The following IAPP variants were observed in gnomAD, a reference collection of about 807,000 sequenced individuals.
IAPP encodes the protein islet amyloid polypeptide.
Under a neutral mutation model 2.9 loss-of-function variants are expected in IAPP, and 4 were observed. That is an observed-to-expected ratio of 1.39 (90% CI 0.69 to 3.19). The LOEUF (loss-of-function observed/expected upper bound fraction) is 3.19, where lower values mean the gene tolerates loss of function less well. Ranked by LOEUF, IAPP falls within the 30% of genes most tolerant of loss-of-function variation. The pLI, the probability that IAPP is intolerant of heterozygous loss-of-function variation, is 0.01. For synonymous variants in IAPP, 40 were observed against 42.1 expected (o/e 0.95, Z 0.19); for missense variants, 114 against 105.3 (o/e 1.08, Z -0.36).
At chr12:21,376,877 A>G (rs1017247701) in intron 2 of IAPP, among the ~76,000 whole-genome samples, 2 of 152,078 alleles carry the variant, frequency 1.3e-5, no homozygotes, top group Non-Finnish European at 2.9e-5. Flanking sequence ...AAGTTTCACC[A>G]ATATTTTGAT....
In IAPP at chr12:21,374,947, G is replaced by A. The variant is rs1462809289; in HGVS notation, c.80+1516G>A. On this transcript the variant is annotated intron_variant, in intron 2 of 2. Coordinates refer to ENST00000240652, the MANE Select transcript of IAPP (RefSeq NM_000415.3). ...TCCCACCTCAGCCTCCCAAGTAGCTGGGACCACAGGCACCTGCCACCATAC... is the reference window on the plus strand; with the variant it reads ...TCCCACCTCAGCCTCCCAAGTAGCTAGGACCACAGGCACCTGCCACCATAC... 7.2e-5 allele frequency among the ~76,000 whole-genome samples: 11 copies of A among 152,006 alleles called. No homozygotes were observed. The South Asian group carries it at 2.3e-3, about 32-fold the overall frequency.
chr12:21,372,586 TCCTTAC>T (rs1172640796), upstream of IAPP, among the ~76,000 whole-genome samples: 1 of 152,214 alleles, frequency 6.6e-6, no homozygotes, highest in African/African-American at 2.4e-5. Flanking sequence ...TTTGTTGTTA[TCCTTAC>T]CCTTTTCTAT....
chr12:21,364,654 T>A (rs1939222849), intron 1 of IAPP, among the ~76,000 whole-genome samples: 2 of 152,134 alleles, frequency 1.3e-5, no homozygotes, highest in Admixed American at 6.5e-5. Flanking sequence ...AACCCCAACA[T>A]CTCAGCCCAA....
intron 1 of IAPP, among the ~76,000 whole-genome samples, chr12:21,366,263 G>A (rs1939371397): frequency 6.6e-6 from 1 of 152,090 alleles, no homozygotes; most frequent in Admixed American, 6.5e-5. Flanking sequence ...CATGGAGGAA[G>A]CTGGAAACCA....
At chr12:21,371,594 A>T (rs1350182332), upstream of IAPP, among the ~76,000 whole-genome samples, 1 of 152,192 alleles carries the variant, frequency 6.6e-6, no homozygotes, top group Non-Finnish European at 1.5e-5. Context: ...AGAGAACTTC[A>T]ATTTTTTTAA....
rs201167395 is a variant in IAPP, at chr12:21,360,014, G to GT, written c.-16+5002dup. On this transcript the variant is annotated intron_variant, in intron 1 of 2. Coordinates refer to the IAPP transcript ENST00000539393. ...ATAAATTTCAAAATCATTATGCTAT[G>GT]TAAAAAAAAAAAGTCAGGCAAAAAG... 8.5e-3 allele frequency among the ~76,000 whole-genome samples: 1,283 copies of GT among 151,538 alleles called. 6 individuals carry two copies. The highest frequency in any genetic ancestry group is 0.015 in the Admixed American group (224 of 15,234).
rs562868258 is a variant in IAPP at position 21,378,667 on chromosome 12, C to T, written c.*241C>T. The stretch of plus-strand genomic sequence containing the variant: ...AGATTTGTATTTTAAAACATAAGAA[C>T]GTCATTTTGGGACCTATATCTCAGT... On this transcript the variant is annotated 3_prime_UTR_variant, in exon 3 of 3. Coordinates refer to ENST00000240652, the MANE Select transcript of IAPP (RefSeq NM_000415.3). 1.2e-4 allele frequency: 51 copies of T among 431,786 alleles called. No individual in the cohort carries two copies. Among genetic ancestry groups the T allele is most frequent in the Non-Finnish European group, 2.1e-4 (50 of 240,268 alleles). 26.7% of individuals were successfully genotyped at this position (431,786 alleles called of 1,614,324 possible). A position where few individuals can be genotyped will look rare whatever the true frequency, so the allele number is the denominator to read the frequency against.
intron 1 of IAPP, among the ~76,000 whole-genome samples, chr12:21,360,688 T>G (rs1938777863): frequency 6.6e-6 from 1 of 152,164 alleles, no homozygotes. Flanking sequence ...ACTCCCACCC[T>G]AATACTGCTC....
chr12:21,366,406 GGC>G (rs1197764861), intron 1 of IAPP, among the ~76,000 whole-genome samples: 11 of 151,280 alleles, frequency 7.3e-5, no homozygotes, highest in Admixed American at 3.3e-4. Flanking sequence ...CCGGGGGGTG[GGC>G]GGGGGAGGGA....
upstream of IAPP, among the ~76,000 whole-genome samples, chr12:21,368,618 T>A (rs558162765): frequency 6.6e-6 from 1 of 152,258 alleles, no homozygotes; most frequent in African/African-American, 2.4e-5. Flanking sequence ...CTAAAAAATG[T>A]ACAGTTAAAA....
At chr12:21,357,829 T>G (rs551394091) in intron 1 of IAPP, among the ~76,000 whole-genome samples, 19 of 152,350 alleles carry the variant, frequency 1.2e-4, no homozygotes, top group South Asian at 4.1e-4. Context: ...TTTTAAAATA[T>G]GAAAACAGTA....
intron 2 of IAPP, chr12:21,376,278 T>G (rs12305367): frequency 5.6e-5 from 17 of 304,768 alleles, no homozygotes; most frequent in Admixed American, 7.6e-5. Flanking sequence ...TACCTTTGAA[T>G]CTTCTCAATT....
chr12:21,355,861 A>C (rs1343319496), intron 1 of IAPP, among the ~76,000 whole-genome samples: 1 of 152,196 alleles, frequency 6.6e-6, no homozygotes, highest in Non-Finnish European at 1.5e-5. Context: ...AAAACTGATT[A>C]TTTCTAATTA....
chr12:21,378,175 C>G, intron 2 of IAPP, 62 bp from the exon 3 acceptor site: 1 of 1,438,908 alleles, frequency 6.9e-7, no homozygotes, highest in Non-Finnish European at 9.8e-7. Flanking sequence ...TTTGATGTCA[C>G]ATGGCTGGAT....
At chr12:21,370,094 C>CA (rs745509197), upstream of IAPP, among the ~76,000 whole-genome samples, 11 of 151,942 alleles carry the variant, frequency 7.2e-5, no homozygotes, top group Non-Finnish European at 1.3e-4. Context: ...TCATTTTTAA[C>CA]AAAAAAACAA....
intron 1 of IAPP, among the ~76,000 whole-genome samples, chr12:21,359,509 G>A (rs1318789259): frequency 1.3e-5 from 2 of 152,134 alleles, no homozygotes; most frequent in Non-Finnish European, 2.9e-5. Flanking sequence ...ACCTTGCAAT[G>A]AAATCCACCA....
intron 2 of IAPP, among the ~76,000 whole-genome samples, chr12:21,376,097 G>T (rs527393188): frequency 6.6e-6 from 1 of 152,146 alleles, no homozygotes; most frequent in Middle Eastern, 3.4e-3. Flanking sequence ...TCTTCTAAGT[G>T]GAATGATGGC....
chr12:21,359,917 C>T (rs1307714443), intron 1 of IAPP, among the ~76,000 whole-genome samples: 1 of 151,984 alleles, frequency 6.6e-6, no homozygotes, highest in Non-Finnish European at 1.5e-5. Context: ...AATGGCTAAA[C>T]ATTTTGTAAT....
At chr12:21,365,346 G>A (rs1442903742) in intron 1 of IAPP, among the ~76,000 whole-genome samples, 13 of 152,178 alleles carry the variant, frequency 8.5e-5, no homozygotes, top group African/African-American at 2.7e-4. Flanking sequence ...CTAGCCATAT[G>A]TAGAAAGCTG....
Sources: gnomAD v4.1 joint callset for allele counts (sites outside exome capture counted in the v4.1 genomes callset) on GRCh38, gnomAD v4.1.1 for gene constraint, MANE v1.5 for transcripts, NCBI Gene and HGNC (gene_info 2026-07-23, HGNC 2026-07-21) for gene names.